The following KDM3A variants were observed in gnomAD, a reference collection of about 807,000 sequenced individuals.
KDM3A encodes the protein lysine-specific demethylase 3A.
A neutral mutation model predicts 158.0 loss-of-function variants in KDM3A; 60 were observed. The observed-to-expected ratio is 0.38, with a 90% CI of 0.31 to 0.47. The LOEUF (loss-of-function observed/expected upper bound fraction) is 0.47. KDM3A is among the 20% of genes least tolerant of loss of function. The pLI is 0.99. For synonymous variants in KDM3A, 608 were observed against 549.3 expected (o/e 1.11, Z -1.49); for missense variants, 1,319 against 1,574.3 (o/e 0.84, Z 2.74).
chr2:86,459,213 G>A (rs1419517793), intron 8 of KDM3A, among the ~76,000 whole-genome samples: 1 of 152,136 alleles, frequency 6.6e-6, no homozygotes, highest in African/African-American at 2.4e-5. Flanking sequence ...TGGTCTAGAA[G>A]GGAACAGATA....
intron 5 of KDM3A, 61 bp from the exon 6 acceptor site, chr2:86,456,381 T>C (rs1482283122): frequency 1.7e-6 from 2 of 1,169,770 alleles, no homozygotes; most frequent in African/African-American, 3.2e-5. Flanking sequence ...TCCTGGATGA[T>C]GTTGCTATTG....
rs752200161 is a variant in KDM3A, at chr2:86,491,233, A to G, written c.3843A>G (p.Arg1281=). ...GCTTCTGGCTTACTCAGGAATTCCG[A>G]TATCTGTCACAGACTCATACCAATC... is the stretch of plus-strand genomic sequence containing the variant. The part of the protein sequence containing the change: ...KHCFWLTQEF[R]YLSQTHTNHE... Residue 1281 remains arginine (R), a synonymous_variant, in exon 25 of 26, where the codon CGA becomes CGG. Coordinates refer to ENST00000312912, the MANE Select transcript of KDM3A (RefSeq NM_018433.6). The G allele has an allele frequency of 5.3e-5, 85 of 1,613,762 alleles. No homozygotes were observed. Among genetic ancestry groups the G allele is most frequent in the Non-Finnish European group, 6.3e-5 (74 of 1,179,814 alleles).
At chr2:86,468,041 G>A (rs1372465357) in intron 10 of KDM3A, among the ~76,000 whole-genome samples, 1 of 152,006 alleles carries the variant, frequency 6.6e-6, no homozygotes, top group Non-Finnish European at 1.5e-5. Context: ...ACAAACAAAC[G>A]AAAACAACCT....
chr2:86,484,847 A>G (rs1010511932), intron 19 of KDM3A, 95 bp from the exon 20 acceptor site: 43 of 654,138 alleles, frequency 6.6e-5, no homozygotes, highest in Non-Finnish European at 1.1e-4. Flanking sequence ...GACATATTTT[A>G]TTTGTATTGT....
chr2:86,492,022 T>A lies in KDM3A; in HGVS notation c.3886-17T>A, dbSNP rs1674480648. ...ATTTAAATGTAAAATGCCCATATTT[T>A]CTCCTACTATTTTTAGGTGAAGAAT... On this transcript the variant is annotated splice_polypyrimidine_tract_variant and intron_variant, in intron 25 of 25. Coordinates refer to ENST00000312912, the MANE Select transcript of KDM3A (RefSeq NM_018433.6). 1.3e-6 allele frequency: 2 copies of A among 1,566,320 alleles called. No individual in the cohort carries two copies. The highest frequency in any genetic ancestry group is 1.8e-6 in the Non-Finnish European group (2 of 1,139,142).
chr2:86,476,917 G>A (rs1397094033), intron 12 of KDM3A, among the ~76,000 whole-genome samples: 20 of 152,228 alleles, frequency 1.3e-4, no homozygotes, highest in Non-Finnish European at 7.3e-5. Context: ...GAGTGCAGCA[G>A]CTTTGATCCA....
chr2:86,444,395 T>C (rs1466121323), intron 2 of KDM3A, among the ~76,000 whole-genome samples: 2 of 152,140 alleles, frequency 1.3e-5, no homozygotes, highest in African/African-American at 4.8e-5. Context: ...CAATCTTCTG[T>C]CTCTTTTCTA....
At chr2:86,468,102 A>G (rs775980919) in intron 10 of KDM3A, among the ~76,000 whole-genome samples, 1 of 152,182 alleles carries the variant, frequency 6.6e-6, no homozygotes, top group African/African-American at 2.4e-5. Flanking sequence ...TATCTACACT[A>G]TCTTTTTAAC....
intron 23 of KDM3A, 103 bp downstream of exon 23, chr2:86,489,762 C>A: frequency 7.7e-7 from 1 of 1,306,976 alleles, no homozygotes; most frequent in Non-Finnish European, 1.0e-6. Flanking sequence ...TTGTCACAAC[C>A]TGAAAAGTTA....
chr2:86,454,958 G>A, intron 4 of KDM3A, 127 bp from the exon 5 acceptor site: 1 of 564,518 alleles, frequency 1.8e-6, no homozygotes, highest in South Asian at 2.6e-5. Flanking sequence ...AATGATTTGG[G>A]CTATCACATG....
intron 4 of KDM3A, among the ~76,000 whole-genome samples, chr2:86,454,558 C>T (rs1431816123): frequency 6.6e-6 from 1 of 152,120 alleles, no homozygotes. Context: ...TGGTCATCTA[C>T]CCCTGCTAGT....
intron 2 of KDM3A, among the ~76,000 whole-genome samples, chr2:86,444,788 TTAA>T (rs1026387097): frequency 2.6e-4 from 39 of 152,132 alleles, no homozygotes; most frequent in African/African-American, 9.2e-4. Context: ...ATGGATGATA[TTAA>T]TGAGGCCAAG....
chr2:86,463,045 G>T (rs1044028373), intron 8 of KDM3A, among the ~76,000 whole-genome samples: 9 of 152,154 alleles, frequency 5.9e-5, no homozygotes, highest in Admixed American at 5.9e-4. Context: ...GAACCAAGAT[G>T]GCGCTGCTGC....
intron 14 of KDM3A, 108 bp from the exon 15 acceptor site, chr2:86,478,500 G>T: frequency 8.0e-7 from 1 of 1,257,104 alleles, no homozygotes; most frequent in South Asian, 1.4e-5. Context: ...TGAAAAGGAG[G>T]GAGTGGGAAA....
chr2:86,464,068 T>C lies in KDM3A; in HGVS notation c.859T>C (p.Cys287Arg). 1.9e-6 allele frequency: 3 copies of C among 1,591,728 alleles called. No individual in the cohort carries two copies. The highest frequency in any genetic ancestry group is 2.6e-6 in the Non-Finnish European group (3 of 1,167,368). The change falls in exon 9 of 26, where the codon TGT becomes CGT. Residue 287 changes from cysteine (C) to arginine (R), a missense_variant. By Grantham distance (180) the Cys-to-Arg change is radical. Transcript: ENST00000312912. ...TATCTTCTAGGCCTCTCCCAGTATG[T>C]GTCCTGTGCAGTCTGTACCTACAAC... ...KSCSEASPSMCPVQSVPTTVF... is the reference protein window; with the variant it reads ...KSCSEASPSMRPVQSVPTTVF...
chr2:86,458,692 A>ACG (rs1398008074), intron 8 of KDM3A, among the ~76,000 whole-genome samples: 4 of 152,222 alleles, frequency 2.6e-5, no homozygotes, highest in Non-Finnish European at 5.9e-5. Context: ...GACAGGGAGG[A>ACG]CGTGTCTTGT....
At chr2:86,464,245 A>C (rs1221923680) in intron 9 of KDM3A, 29 bp downstream of exon 9, 1 of 1,418,534 alleles carries the variant, frequency 7.0e-7, no homozygotes, top group African/African-American at 1.5e-5. Context: ...AAGATGTTTA[A>C]TTATAATAAT....
At chr2:86,489,107 C>T (rs1054710930) in intron 21 of KDM3A, 1 of 516,384 alleles carries the variant, frequency 1.9e-6, no homozygotes, top group South Asian at 2.3e-5. Flanking sequence ...TTAACCACTT[C>T]CATTTCCTGC....
intron 12 of KDM3A, among the ~76,000 whole-genome samples, chr2:86,475,232 G>A (rs1415775029): frequency 6.6e-6 from 1 of 152,180 alleles, no homozygotes; most frequent in Non-Finnish European, 1.5e-5. Flanking sequence ...AAGGTGAAGT[G>A]AGGGTGGAAT....
Sources: allele counts gnomAD v4.1 joint callset (sites outside exome capture counted in the v4.1 genomes callset), GRCh38; gene constraint gnomAD v4.1.1; transcripts MANE v1.5; gene names NCBI Gene and HGNC (gene_info 2026-07-23, HGNC 2026-07-21).